SEZ6L: variants seen among roughly 807,000 people sequenced by gnomAD.
The protein encoded by SEZ6L is seizure related 6 homolog like, also known as seizure 6-like protein.
In SEZ6L, 37 loss-of-function variants were observed where a neutral mutation model predicts 106.2. That is an observed-to-expected ratio of 0.35 (90% confidence interval 0.27 to 0.46). The LOEUF (loss-of-function observed/expected upper bound fraction) is 0.46. Ranked by LOEUF, SEZ6L falls within the 20% of genes least tolerant of loss-of-function variation. The probability of loss-of-function intolerance (pLI) is 1.00; values close to 1 mark genes in which losing one functional copy is unlikely to be tolerated. For synonymous variants in SEZ6L, 541 were observed against 570.4 expected, an observed-to-expected ratio of 0.95 and a Z score of 0.73; for missense variants, 1,172 against 1,332.8, an observed-to-expected ratio of 0.88 and a Z score of 1.88.
At chr22:26,260,989 T>C (rs756009422) in intron 1 of SEZ6L, among the ~76,000 whole-genome samples, 5 of 152,348 alleles carry the variant, frequency 3.3e-5, no homozygotes, top group Non-Finnish European at 7.3e-5. Context: ...ATTAGTGATG[T>C]TGAGCATTTT....
intron 1 of SEZ6L, among the ~76,000 whole-genome samples, chr22:26,177,504 C>T (rs754303720): frequency 4.2e-4 from 64 of 152,326 alleles, no homozygotes; most frequent in Non-Finnish European, 7.1e-4. Context: ...ACCTTCTGGA[C>T]ATCCTACTGC....
intron 1 of SEZ6L, among the ~76,000 whole-genome samples, chr22:26,233,741 G>C (rs2078872101): frequency 1.3e-5 from 2 of 152,178 alleles, no homozygotes; most frequent in Non-Finnish European, 2.9e-5. Context: ...AAATAAGCAA[G>C]GTAATTTGAA....
intron 1 of SEZ6L, among the ~76,000 whole-genome samples, chr22:26,210,211 T>C (rs1427054191): frequency 1.3e-5 from 2 of 152,168 alleles, no homozygotes; most frequent in African/African-American, 4.8e-5. Context: ...ATCTTCACAT[T>C]GGTTCTGATC....
intron 1 of SEZ6L, among the ~76,000 whole-genome samples, chr22:26,192,017 T>C (rs1008984819): frequency 2.0e-5 from 3 of 146,408 alleles, no homozygotes; most frequent in Non-Finnish European, 4.5e-5. Flanking sequence ...CATCCATCCA[T>C]CCACTCATTC....
chr22:26,374,583 G>A (rs1431108569), intron 14 of SEZ6L, among the ~76,000 whole-genome samples: 5 of 152,138 alleles, frequency 3.3e-5, no homozygotes, highest in Non-Finnish European at 4.4e-5. Context: ...GGGGTTGCTC[G>A]GAGCTTATGA....
chr22:26,254,060 G>A (rs2079716455), intron 1 of SEZ6L: 1 of 152,158 alleles, frequency 6.6e-6, no homozygotes, highest in African/African-American at 2.4e-5. Context: ...ACCCTTGAGG[G>A]ACCACATTAC....
At chr22:26,264,794 C>T (rs5752300) in intron 1 of SEZ6L, among the ~76,000 whole-genome samples, 20,117 of 152,110 alleles carry the variant, frequency 0.13, 1,783 homozygotes, top group East Asian at 0.35. Flanking sequence ...TTTGCCAATG[C>T]CTGCTTTAAA....
chr22:26,231,192 C>A (rs1443034344), intron 1 of SEZ6L, among the ~76,000 whole-genome samples: 2 of 152,230 alleles, frequency 1.3e-5, no homozygotes, highest in African/African-American at 2.4e-5. Context: ...TATTTATACC[C>A]ACTTTTAATT....
chr22:26,273,939 C>A (rs952870626), intron 1 of SEZ6L, among the ~76,000 whole-genome samples: 1 of 151,998 alleles, frequency 6.6e-6, no homozygotes, highest in Admixed American at 6.5e-5. Context: ...TGGACAGAGT[C>A]ACCTGAGAGA....
At chr22:26,296,076 C>T (rs977177412) in intron 3 of SEZ6L, among the ~76,000 whole-genome samples, 7 of 152,198 alleles carry the variant, frequency 4.6e-5, no homozygotes, top group African/African-American at 1.2e-4. Context: ...CTCATAAAAG[C>T]GTAAGTCTTC....
chr22:26,292,145 A>AAGGAAGGAAGGAAGG (rs1556313082), intron 1 of SEZ6L: 1 of 385,500 alleles, frequency 2.6e-6, no homozygotes, highest in Non-Finnish European at 4.6e-6. Context: ...AGAAAGAAAG[A>AAGGAAGGAAGGAAGG]AAGGAAGGAA....
At chr22:26,372,065 G>GC (rs2084055685) in intron 13 of SEZ6L, among the ~76,000 whole-genome samples, 2 of 152,198 alleles carry the variant, frequency 1.3e-5, no homozygotes, top group South Asian at 4.1e-4. Flanking sequence ...CCTTGAGTGA[G>GC]CCCCCCTCCC....
chr22:26,315,179 G>A lies in SEZ6L; in HGVS notation c.2015+1277G>A, dbSNP rs550090442. On this transcript the variant is annotated intron_variant, in intron 9 of 16. Coordinates refer to ENST00000248933, the MANE Select transcript of SEZ6L (RefSeq NM_021115.5). ...GACCGGCTTTTGAGGCTGTTCCTTAGACACAGCAAGTGTCCTTAGTCTGGG... is the reference window on the plus strand; with the variant it reads ...GACCGGCTTTTGAGGCTGTTCCTTAAACACAGCAAGTGTCCTTAGTCTGGG... Among the ~76,000 whole-genome samples the A allele has an allele frequency of 7.6e-4, 116 of 152,162 alleles. 1 individual carries two copies. Among genetic ancestry groups the A allele is most frequent in the Admixed American group, 2.4e-3 (37 of 15,270 alleles).
rs150200127 is a variant in SEZ6L, at chr22:26,265,779, G to A, written c.95-26627G>A. Among the ~76,000 whole-genome samples the A allele has an allele frequency of 3.9e-5, 6 of 152,270 alleles. No homozygotes were observed. The East Asian group carries it at 5.8e-4, about 15-fold the overall frequency. ...TTCTTAAGGGCTTGGGTTTGTGGTC[G>A]GTGGCAAGAGGCAGACATGCCTTTG... On this transcript the variant is annotated intron_variant, in intron 1 of 16. Coordinates refer to ENST00000248933, the MANE Select transcript of SEZ6L (RefSeq NM_021115.5).
intron 1 of SEZ6L, among the ~76,000 whole-genome samples, chr22:26,276,476 A>G (rs560217286): frequency 6.6e-6 from 1 of 152,342 alleles, no homozygotes; most frequent in South Asian, 2.1e-4. Context: ...GGTGGAGAGA[A>G]ATTGTTAACT....
At chr22:26,225,042 A>G (rs2078595346) in intron 1 of SEZ6L, among the ~76,000 whole-genome samples, 1 of 152,218 alleles carries the variant, frequency 6.6e-6, no homozygotes, top group South Asian at 2.1e-4. Flanking sequence ...TTAACAAATG[A>G]AAAAAATCAA....
In SEZ6L at chr22:26,361,469, T is replaced by C. The variant is rs868116163; in HGVS notation, c.2600-3903T>C. Among the ~76,000 whole-genome samples, 4 of 146,786 alleles carry C rather than the reference T, an allele frequency of 2.7e-5. No individual in the cohort carries two copies. In the South Asian group the frequency reaches 8.5e-4, roughly 31 times the overall value. On this transcript the variant is annotated intron_variant, in intron 12 of 16. Transcript: ENST00000248933. ...TTGCAGTGAGCTGAGATCACACCAC[T>C]GCACTCCATCTTGAGTGACAGAGTG...
chr22:26,279,086 G>T (rs2080669275), intron 1 of SEZ6L, among the ~76,000 whole-genome samples: 1 of 152,164 alleles, frequency 6.6e-6, no homozygotes, highest in South Asian at 2.1e-4. Context: ...TGACTCCCCA[G>T]TGCCTCGACT....
At chr22:26,183,933 G>A (rs753370282) in intron 1 of SEZ6L, among the ~76,000 whole-genome samples, 32 of 152,056 alleles carry the variant, frequency 2.1e-4, no homozygotes, top group Non-Finnish European at 2.5e-4. Context: ...TGCTTAGCAC[G>A]TGGCAAAGGA....
Sources: gnomAD v4.1 joint callset for allele counts (sites outside exome capture counted in the v4.1 genomes callset) on GRCh38, gnomAD v4.1.1 for gene constraint, MANE v1.5 for transcripts, NCBI Gene and HGNC (gene_info 2026-07-23, HGNC 2026-07-21) for gene names.